CNOT6: variants seen among roughly 807,000 people sequenced by gnomAD.
CNOT6 encodes carbon catabolite repression 4 protein.
A neutral mutation model predicts 61.2 loss-of-function variants in CNOT6; 12 were observed. That is an observed-to-expected ratio of 0.20 (90% CI 0.13 to 0.32). The LOEUF (loss-of-function observed/expected upper bound fraction) is 0.32. CNOT6 is among the 10% of genes least tolerant of loss of function. The pLI is 1.00. For synonymous variants in CNOT6, 225 were observed against 240.6 expected (o/e 0.94, Z 0.60); for missense variants, 405 against 663.9 (o/e 0.61, Z 4.28).
chr5:180,559,037 A>G (rs1234636745), intron 4 of CNOT6, among the ~76,000 whole-genome samples: 1 of 152,228 alleles, frequency 6.6e-6, no homozygotes, highest in Admixed American at 6.5e-5. Flanking sequence ...TTGATGGCCT[A>G]GGATATGGTC....
chr5:180,538,272 C>G (rs1758821469), intron 2 of CNOT6, among the ~76,000 whole-genome samples: 1 of 151,780 alleles, frequency 6.6e-6, no homozygotes, highest in Non-Finnish European at 1.5e-5. Context: ...ATCTCCTGAC[C>G]TCGTGATCTG....
At chr5:180,545,324 C>T (rs565827655) in intron 2 of CNOT6, among the ~76,000 whole-genome samples, 7 of 152,196 alleles carry the variant, frequency 4.6e-5, no homozygotes, top group Non-Finnish European at 7.3e-5. Context: ...TTCTCCATTC[C>T]TTCCCCTATT....
chr5:180,514,088 A>C (rs746267180), intron 1 of CNOT6, among the ~76,000 whole-genome samples: 1 of 151,812 alleles, frequency 6.6e-6, no homozygotes, highest in Non-Finnish European at 1.5e-5. Context: ...TCGGCCTCCA[A>C]ATGTGCTGGG....
At chr5:180,514,239 T>G (rs1267483588) in intron 1 of CNOT6, among the ~76,000 whole-genome samples, 3 of 151,452 alleles carry the variant, frequency 2.0e-5, no homozygotes, top group Non-Finnish European at 4.4e-5. Flanking sequence ...CTGGCCAACA[T>G]GGTGAAACCC....
chr5:180,533,338 A>ATATATATC (rs1327868327), intron 2 of CNOT6, among the ~76,000 whole-genome samples: 5 of 90,848 alleles, frequency 5.5e-5, no homozygotes, highest in Non-Finnish European at 1.3e-4. Context: ...ATATATATAT[A>ATATATATC]TATATCACCG....
chr5:180,501,131 A>G (rs115143670), intron 1 of CNOT6, among the ~76,000 whole-genome samples: 3 of 152,248 alleles, frequency 2.0e-5, no homozygotes, highest in African/African-American at 4.8e-5. Context: ...TTAGGTGGAT[A>G]TGGGTGAGCA....
In CNOT6 at chr5:180,574,252, T is replaced by C. The variant is rs1486973528; in HGVS notation, c.*52T>C. 1 of 1,473,006 alleles carries C rather than the reference T, an allele frequency of 6.8e-7. No individual in the cohort carries two copies. The highest frequency in any genetic ancestry group is 1.1e-5 in the South Asian group (1 of 87,868). The allele number at this position is 1,473,006 out of a possible 1,614,324, so 91.2% of individuals were successfully genotyped here. On this transcript the variant is annotated 3_prime_UTR_variant, in exon 12 of 12. Transcript: ENST00000261951. ...ATTCACTTGTAAACTTGTGAAAATC[T>C]GAACATAGGGGAGTGAGGTATGGCC...
At chr5:180,549,420 C>CG (rs1405872851) in intron 2 of CNOT6, among the ~76,000 whole-genome samples, 2 of 152,008 alleles carry the variant, frequency 1.3e-5, no homozygotes, top group Non-Finnish European at 2.9e-5. Flanking sequence ...GAGGCCAAGG[C>CG]GGGCAGATCA....
At chr5:180,532,327 C>T (rs72812951) in intron 2 of CNOT6, among the ~76,000 whole-genome samples, 2,904 of 152,208 alleles carry the variant, frequency 0.019, 38 homozygotes, top group Non-Finnish European at 0.027. Flanking sequence ...CATTAGGATA[C>T]GCAAGAAAGC....
intron 4 of CNOT6, among the ~76,000 whole-genome samples, chr5:180,557,395 T>G (rs1759953212): frequency 6.6e-6 from 1 of 152,024 alleles, no homozygotes; most frequent in African/African-American, 2.4e-5. Context: ...CACCAGCATT[T>G]GGTGTTGTGA....
chr5:180,563,692 G>C (rs1760306362), intron 4 of CNOT6, among the ~76,000 whole-genome samples: 2 of 152,070 alleles, frequency 1.3e-5, no homozygotes, highest in South Asian at 4.1e-4. Flanking sequence ...AATTTGTCTG[G>C]TTTTCTTAAA....
In CNOT6 at chr5:180,494,758, C is replaced by G. The variant is rs1235919553; in HGVS notation, c.-8C>G. On this transcript the variant is annotated 5_prime_UTR_variant, in exon 1 of 12. Transcript: ENST00000261951. ...AGCGGCGGAGGAAGGCGGCGCACCC[C>G]GAGAGGTGAGCGAGGCAGGCCGGAG... 6.6e-6 allele frequency: 1 copy of G among 152,628 alleles called. No individual in the cohort carries two copies. The highest frequency in any genetic ancestry group is 2.4e-5 in the African/African-American group (1 of 41,350). 9.5% of individuals were successfully genotyped at this position (152,628 alleles called of 1,614,324 possible).
intron 7 of CNOT6, 131 bp downstream of exon 7, chr5:180,566,108 A>C (rs1004745338): frequency 1.6e-5 from 13 of 817,638 alleles, no homozygotes; most frequent in Non-Finnish European, 2.2e-5. Flanking sequence ...TTATTAGTGA[A>C]TCCTGGGAGT....
chr5:180,512,818 GAACT>G (rs1036849768), intron 1 of CNOT6, among the ~76,000 whole-genome samples: 1 of 152,058 alleles, frequency 6.6e-6, no homozygotes, highest in Admixed American at 6.6e-5. Context: ...GGCTAGTCTT[GAACT>G]CCTGACCTCA....
intron 7 of CNOT6, among the ~76,000 whole-genome samples, chr5:180,566,278 G>GT (rs1356110622): frequency 6.6e-6 from 1 of 152,164 alleles, no homozygotes; most frequent in African/African-American, 2.4e-5. Flanking sequence ...AAATTCTAGC[G>GT]TGGTCAAGCT....
chr5:180,521,477 T>C (rs920853428), intron 1 of CNOT6, among the ~76,000 whole-genome samples: 1 of 152,198 alleles, frequency 6.6e-6, no homozygotes, highest in Non-Finnish European at 1.5e-5. Flanking sequence ...ACATATCTTT[T>C]GGGGTGTGTA....
At chr5:180,565,724 G>T in intron 6 of CNOT6, 96 bp from the exon 7 acceptor site, 15 of 1,174,570 alleles carry the variant, frequency 1.3e-5, no homozygotes, top group Non-Finnish European at 1.7e-5. Context: ...GAATGAATAC[G>T]GTCAAACTTA....
chr5:180,570,810 A>G (rs1486253813), intron 10 of CNOT6, among the ~76,000 whole-genome samples: 1 of 152,256 alleles, frequency 6.6e-6, no homozygotes, highest in Non-Finnish European at 1.5e-5. Context: ...GCATTATAAA[A>G]TGGCACATTC....
chr5:180,530,881 G>C (rs1202538663), intron 2 of CNOT6, among the ~76,000 whole-genome samples: 1 of 152,126 alleles, frequency 6.6e-6, no homozygotes, highest in African/African-American at 2.4e-5. Flanking sequence ...CACGGGGTTG[G>C]GGGTAAGGTT....
Sources: gnomAD v4.1 joint callset for allele counts (sites outside exome capture counted in the v4.1 genomes callset) on GRCh38, gnomAD v4.1.1 for gene constraint, MANE v1.5 for transcripts, NCBI Gene and HGNC (gene_info 2026-07-23, HGNC 2026-07-21) for gene names.